Variants in TEX36 observed in about 807,000 individuals in gnomAD.
TEX36 encodes testis expressed 36, also known as testis-expressed protein 36.
Under a neutral mutation model 13.6 loss-of-function variants are expected in TEX36, and 12 were observed. That is an observed-to-expected ratio of 0.88 (90% confidence interval 0.56 to 1.43). The LOEUF (loss-of-function observed/expected upper bound fraction) is 1.43, where lower values mean the gene tolerates loss of function less well. Among genes scored for constraint, TEX36 ranks in the 40% most tolerant of loss-of-function variants. The pLI, the probability that TEX36 is intolerant of heterozygous loss-of-function variation, is 0.00. For synonymous variants in TEX36, 93 were observed against 83.0 expected, an observed-to-expected ratio of 1.12 and a Z score of -0.65; for missense variants, 224 against 228.3, an observed-to-expected ratio of 0.98 and a Z score of 0.12.
intron 1 of TEX36, among the ~76,000 whole-genome samples, chr10:125,669,111 T>G (rs1387158039): frequency 6.6e-6 from 1 of 152,074 alleles, no homozygotes; most frequent in East Asian, 1.9e-4. Flanking sequence ...GCCAACATGG[T>G]GAAACCCTGT....
chr10:125,623,187 C>T (rs918761165), intron 3 of TEX36, among the ~76,000 whole-genome samples: 1 of 152,170 alleles, frequency 6.6e-6, no homozygotes, highest in East Asian at 1.9e-4. Flanking sequence ...TGTTGTAAGG[C>T]CATTCCACTG....
intron 3 of TEX36, among the ~76,000 whole-genome samples, chr10:125,582,269 C>A (rs1253101387): frequency 6.6e-6 from 1 of 152,212 alleles, no homozygotes; most frequent in Non-Finnish European, 1.5e-5. Flanking sequence ...TGATGTCTAG[C>A]TGTAAAGCAC....
At chr10:125,591,210 TA>T (rs749682282) in intron 3 of TEX36, among the ~76,000 whole-genome samples, 30 of 152,226 alleles carry the variant, frequency 2.0e-4, no homozygotes, top group Admixed American at 5.9e-4. Flanking sequence ...GTAAAACATT[TA>T]AAATAGTGCC....
At chr10:125,607,303 G>C (rs571255229) in intron 3 of TEX36, among the ~76,000 whole-genome samples, 2 of 152,200 alleles carry the variant, frequency 1.3e-5, no homozygotes, top group Non-Finnish European at 2.9e-5. Flanking sequence ...AGTGCCCCCA[G>C]GTTGAATCCT....
At chr10:125,590,033 G>T (rs1047336035) in intron 3 of TEX36, among the ~76,000 whole-genome samples, 2 of 152,182 alleles carry the variant, frequency 1.3e-5, no homozygotes, top group Non-Finnish European at 2.9e-5. Flanking sequence ...TCTGCAAGGT[G>T]TCTGCAGGAA....
intron 3 of TEX36, among the ~76,000 whole-genome samples, chr10:125,660,305 T>C (rs1209137110): frequency 6.6e-6 from 1 of 152,044 alleles, no homozygotes; most frequent in African/African-American, 2.4e-5. Flanking sequence ...TTTAATGTTT[T>C]GTAGACACGG....
In TEX36 at chr10:125,661,006, G is replaced by A; in HGVS notation, c.264+15C>T. On this transcript the variant is annotated intron_variant, in intron 3 of 3. Transcript: ENST00000368821. ...TGTTCCCTGTTTTATTAATAATTTG[G>A]AAAGAAATACTCACGGAGTCAAGGT... is the stretch of plus-strand genomic sequence containing the variant. The A allele has an allele frequency of 6.5e-7, 1 of 1,546,164 alleles. No individual in the cohort carries two copies. Among genetic ancestry groups the A allele is most frequent in the East Asian group, 2.4e-5 (1 of 40,898 alleles).
At chr10:125,580,720 C>T (rs916279608) in intron 3 of TEX36, among the ~76,000 whole-genome samples, 2 of 152,132 alleles carry the variant, frequency 1.3e-5, no homozygotes, top group African/African-American at 2.4e-5. Context: ...CTCAGCCTCC[C>T]GCTTCCAGTT....
intron 3 of TEX36, among the ~76,000 whole-genome samples, chr10:125,602,743 A>G (rs1388017468): frequency 1.3e-5 from 2 of 152,188 alleles, no homozygotes; most frequent in Non-Finnish European, 2.9e-5. Context: ...CACATTTCCA[A>G]ACTCTCTCCA....
intron 3 of TEX36, among the ~76,000 whole-genome samples, chr10:125,612,905 T>C (rs1482607966): frequency 6.6e-6 from 1 of 152,114 alleles, no homozygotes; most frequent in East Asian, 1.9e-4. Context: ...AAAAGATATC[T>C]GGATGGTCTC....
chr10:125,579,013 A>G (rs551184624), intron 3 of TEX36, among the ~76,000 whole-genome samples: 1 of 152,274 alleles, frequency 6.6e-6, no homozygotes, highest in African/African-American at 2.4e-5. Context: ...TCATGCCTCT[A>G]TCTGTCTCCT....
At chr10:125,578,015 A>C (rs754447326) in intron 3 of TEX36, among the ~76,000 whole-genome samples, 2 of 152,246 alleles carry the variant, frequency 1.3e-5, no homozygotes, top group Non-Finnish European at 2.9e-5. Context: ...TCAGCATTAT[A>C]GTCATTAATC....
At chr10:125,662,713 C>A (rs948962011) in intron 1 of TEX36, among the ~76,000 whole-genome samples, 1 of 152,030 alleles carries the variant, frequency 6.6e-6, no homozygotes, top group Non-Finnish European at 1.5e-5. Flanking sequence ...CTCTGTGCAC[C>A]AAGCAATGAG....
intron 1 of TEX36, among the ~76,000 whole-genome samples, chr10:125,668,873 G>A (rs1847170322): frequency 6.6e-6 from 1 of 152,062 alleles, no homozygotes; most frequent in African/African-American, 2.4e-5. Context: ...ATTTTCCTCT[G>A]CTTGGCCGGG....
intron 3 of TEX36, among the ~76,000 whole-genome samples, chr10:125,616,605 T>G (rs1476455887): frequency 1.0e-5 from 1 of 99,866 alleles, no homozygotes; most frequent in Non-Finnish European, 2.0e-5. Flanking sequence ...TTGAGTGAGA[T>G]TCTTAATCCT....
At chr10:125,586,655 A>AAAAAT (rs1565167270) in intron 3 of TEX36, among the ~76,000 whole-genome samples, 1 of 149,470 alleles carries the variant, frequency 6.7e-6, no homozygotes. Context: ...AAAAAAAAAA[A>AAAAAT]AATTAGCCAG....
chr10:125,632,693 T>C (rs535651007), intron 3 of TEX36, among the ~76,000 whole-genome samples: 36 of 152,228 alleles, frequency 2.4e-4, no homozygotes, highest in Non-Finnish European at 5.0e-4. Flanking sequence ...TCAGCTACAG[T>C]CCCTGTTCCA....
At chr10:125,667,152 AG>A in intron 1 of TEX36, 2 of 687,168 alleles carry the variant, frequency 2.9e-6, no homozygotes. Context: ...ATGTGATCCC[AG>A]GGACAGCGGG....
At chr10:125,657,788 C>A (rs966214859) in intron 3 of TEX36, among the ~76,000 whole-genome samples, 1 of 152,188 alleles carries the variant, frequency 6.6e-6, no homozygotes, top group Non-Finnish European at 1.5e-5. Flanking sequence ...TGGCCACCAA[C>A]ACAGCAGCCC....
Sources: gnomAD v4.1 joint callset for allele counts (sites outside exome capture counted in the v4.1 genomes callset) on GRCh38, gnomAD v4.1.1 for gene constraint, MANE v1.5 for transcripts, NCBI Gene and HGNC (gene_info 2026-07-23, HGNC 2026-07-21) for gene names.